IKZF2: variants seen among roughly 807,000 people sequenced by gnomAD.
The protein encoded by IKZF2 is zinc finger protein Helios.
IKZF2 carries 15 observed loss-of-function variants against 49.2 expected under a neutral mutation model. That is an observed-to-expected ratio of 0.30 (90% confidence interval 0.20 to 0.47). The LOEUF (loss-of-function observed/expected upper bound fraction) is 0.47. Among genes scored for constraint, IKZF2 ranks in the 20% least tolerant of loss-of-function variants. The probability of loss-of-function intolerance (pLI) is 1.00; values close to 1 mark genes in which losing one functional copy is unlikely to be tolerated. For missense variants in IKZF2, 567 were observed against 664.6 expected, an observed-to-expected ratio of 0.85 and a Z score of 1.61; for synonymous variants, 227 against 221.4, an observed-to-expected ratio of 1.03 and a Z score of -0.23.
intron 4 of IKZF2, among the ~76,000 whole-genome samples, chr2:213,084,683 G>A (rs774514881): frequency 1.3e-5 from 2 of 151,680 alleles, no homozygotes; most frequent in Non-Finnish European, 2.9e-5. Context: ...ATCAGGTGAT[G>A]AGCATTATCT....
intron 4 of IKZF2, among the ~76,000 whole-genome samples, chr2:213,086,927 A>G (rs1704685163): frequency 6.6e-6 from 1 of 152,172 alleles, no homozygotes; most frequent in Admixed American, 6.6e-5. Flanking sequence ...ATTGCCAAAA[A>G]ACAGACTGTG....
At chr2:213,058,833 A>C (rs1701416340) in intron 4 of IKZF2, among the ~76,000 whole-genome samples, 4 of 151,928 alleles carry the variant, frequency 2.6e-5, no homozygotes, top group Admixed American at 2.6e-4. Context: ...AAAACAAAAA[A>C]CATAAAGAAT....
At chr2:213,062,598 T>G (rs1701804730) in intron 4 of IKZF2, among the ~76,000 whole-genome samples, 1 of 151,742 alleles carries the variant, frequency 6.6e-6, no homozygotes, top group Non-Finnish European at 1.5e-5. Flanking sequence ...TGAAAAAAAG[T>G]GTATTTCAGG....
At chr2:213,075,519 A>AT (rs1703158271) in intron 4 of IKZF2, among the ~76,000 whole-genome samples, 1 of 152,116 alleles carries the variant, frequency 6.6e-6, no homozygotes, top group South Asian at 2.1e-4. Flanking sequence ...GTAGAAGTTT[A>AT]TTTTTTAAAG....
intron 4 of IKZF2, among the ~76,000 whole-genome samples, chr2:213,077,512 T>A (rs973610705): frequency 6.6e-6 from 1 of 150,570 alleles, no homozygotes; most frequent in Non-Finnish European, 1.5e-5. Flanking sequence ...TCTTAACATC[T>A]TTGCAATTTG....
At chr2:213,085,370 G>T (rs986660512) in intron 4 of IKZF2, among the ~76,000 whole-genome samples, 1 of 151,868 alleles carries the variant, frequency 6.6e-6, no homozygotes, top group African/African-American at 2.4e-5. Context: ...GACATCTTAG[G>T]GTATAAATGG....
At chr2:213,152,033 GCGGACCCCGCCCCCGAC>G (rs2061298960), upstream of IKZF2, 5 of 152,106 alleles carry the variant, frequency 3.3e-5, no homozygotes, top group African/African-American at 1.2e-4. Flanking sequence ...TCCCCGGACT[GCGGACCCCGCCCCCGAC>G]GGGGGCCAGG....
At chr2:213,126,296 C>T (rs2060256495) in intron 4 of IKZF2, among the ~76,000 whole-genome samples, 1 of 152,142 alleles carries the variant, frequency 6.6e-6, no homozygotes, top group Non-Finnish European at 1.5e-5. Context: ...TTTCTTCACA[C>T]CCTTATGTTA....
At chr2:213,050,533 T>C (rs1369086743) in intron 5 of IKZF2, among the ~76,000 whole-genome samples, 1 of 152,168 alleles carries the variant, frequency 6.6e-6, no homozygotes, top group Non-Finnish European at 1.5e-5. Context: ...GATTTTCAAA[T>C]ACGGGCCAGG....
intron 7 of IKZF2, among the ~76,000 whole-genome samples, chr2:213,016,362 C>T (rs1010798999): frequency 3.9e-5 from 6 of 152,076 alleles, no homozygotes; most frequent in Non-Finnish European, 5.9e-5. Flanking sequence ...TCAACCATTA[C>T]GCTATACTAC....
At chr2:213,068,912 AACACACACACAC>A (rs3069572) in intron 4 of IKZF2, among the ~76,000 whole-genome samples, 4 of 147,186 alleles carry the variant, frequency 2.7e-5, no homozygotes, top group African/African-American at 7.5e-5. Flanking sequence ...GGAGGGAGAA[AACACACACACAC>A]ACACACACAC....
At chr2:213,128,268 C>T (rs968055460) in intron 4 of IKZF2, among the ~76,000 whole-genome samples, 1 of 152,146 alleles carries the variant, frequency 6.6e-6, no homozygotes, top group Non-Finnish European at 1.5e-5. Context: ...TAAATCACAA[C>T]AGCAAACGTG....
chr2:213,083,911 T>TAA (rs935997765), intron 4 of IKZF2, among the ~76,000 whole-genome samples: 78 of 152,006 alleles, frequency 5.1e-4, no homozygotes, highest in African/African-American at 1.5e-3. Flanking sequence ...AACAATGTAA[T>TAA]AATAGAAACA....
rs1200852983 is a variant in IKZF2, at chr2:213,008,585, A to G, written c.857-501T>C. 2.6e-5 allele frequency among the ~76,000 whole-genome samples: 4 copies of G among 152,092 alleles called. No individual in the cohort carries two copies. The East Asian group carries it at 7.7e-4, about 29-fold the overall frequency. On this transcript the variant is annotated intron_variant, in intron 8 of 8. Coordinates refer to ENST00000434687, the MANE Select transcript of IKZF2 (RefSeq NM_001387220.1). ...AAAAGCAATAAAAATTTTGTAAGCCATTTGCATTTGTTCTGATGCCATCAT... is the reference window on the plus strand; with the variant it reads ...AAAAGCAATAAAAATTTTGTAAGCCGTTTGCATTTGTTCTGATGCCATCAT...
intron 4 of IKZF2, among the ~76,000 whole-genome samples, chr2:213,066,799 T>C (rs901016231): frequency 1.3e-5 from 2 of 152,072 alleles, no homozygotes; most frequent in African/African-American, 4.8e-5. Flanking sequence ...AGAATGCATA[T>C]AATTAAAGGC....
chr2:213,046,289 C>A (rs544328138), intron 6 of IKZF2, among the ~76,000 whole-genome samples: 201 of 152,224 alleles, frequency 1.3e-3, no homozygotes, highest in African/African-American at 4.6e-3. Flanking sequence ...CCTTCTTATG[C>A]TAGTTGAGGA....
chr2:213,152,088 A>G (rs1674525323), upstream of IKZF2: 1 of 150,752 alleles, frequency 6.6e-6, no homozygotes, highest in Non-Finnish European at 1.5e-5. Flanking sequence ...TGCCACGGCG[A>G]CCCCCATCTC....
At chr2:213,029,131 C>A (rs1437746870) in intron 6 of IKZF2, among the ~76,000 whole-genome samples, 3 of 151,728 alleles carry the variant, frequency 2.0e-5, no homozygotes, top group African/African-American at 7.3e-5. Context: ...GTATTTTTTT[C>A]TTGTAATGTC....
chr2:213,095,481 T>C (rs1392816307), intron 4 of IKZF2, among the ~76,000 whole-genome samples: 2 of 152,024 alleles, frequency 1.3e-5, no homozygotes, highest in Non-Finnish European at 2.9e-5. Context: ...AGAAAAAGAT[T>C]TGAATAATCT....
Sources: gnomAD v4.1 joint callset for allele counts (sites outside exome capture counted in the v4.1 genomes callset) on GRCh38, gnomAD v4.1.1 for gene constraint, MANE v1.5 for transcripts, NCBI Gene and HGNC (gene_info 2026-07-23, HGNC 2026-07-21) for gene names.